Variants in RASGEF1C observed in about 807,000 individuals in gnomAD.
The protein encoded by RASGEF1C is ras-GEF domain-containing family member 1C.
In RASGEF1C, 27 loss-of-function variants were observed where a neutral mutation model predicts 58.1. That is an observed-to-expected ratio of 0.46 (90% confidence interval 0.34 to 0.64). The LOEUF (loss-of-function observed/expected upper bound fraction) is 0.64, where lower values mean the gene tolerates loss of function less well. Ranked by LOEUF, RASGEF1C falls within the 30% of genes least tolerant of loss-of-function variation. The pLI, the probability that RASGEF1C is intolerant of heterozygous loss-of-function variation, is 0.01. For missense variants in RASGEF1C, 502 were observed against 605.1 expected, an observed-to-expected ratio of 0.83 and a Z score of 1.79; for synonymous variants, 243 against 246.3, an observed-to-expected ratio of 0.99 and a Z score of 0.13.
chr5:180,171,025 G>A (rs1477563302), intron 1 of RASGEF1C, among the ~76,000 whole-genome samples: 2 of 152,196 alleles, frequency 1.3e-5, no homozygotes, highest in African/African-American at 4.8e-5. Context: ...AGATGGCCCA[G>A]GTCAGAAGAC....
chr5:180,157,439 T>G (rs994078417), intron 1 of RASGEF1C, among the ~76,000 whole-genome samples: 2 of 150,162 alleles, frequency 1.3e-5, no homozygotes, highest in Non-Finnish European at 3.0e-5. Context: ...TTGACCAACA[T>G]GGAGAAACCC....
intron 4 of RASGEF1C, among the ~76,000 whole-genome samples, chr5:180,130,848 T>C (rs1766354447): frequency 6.6e-6 from 1 of 152,148 alleles, no homozygotes; most frequent in Non-Finnish European, 1.5e-5. Context: ...CGGTCCGTCA[T>C]ATGGCCCATG....
intron 1 of RASGEF1C, among the ~76,000 whole-genome samples, chr5:180,191,153 G>A (rs1436338873): frequency 2.6e-5 from 4 of 152,192 alleles, no homozygotes; most frequent in Admixed American, 6.5e-5. Flanking sequence ...GATGCCGCAT[G>A]GATAGAAAGC....
intron 11 of RASGEF1C, among the ~76,000 whole-genome samples, chr5:180,113,513 TCGGGGATGGACGGAGGGAC>T (rs1472672934): frequency 1.4e-4 from 2 of 14,508 alleles, no homozygotes; most frequent in Admixed American, 8.3e-4. Context: ...GACGGAGGGA[TCGGGGATGGACGGAGGGAC>T]CGGGGATGGA....
intron 1 of RASGEF1C, among the ~76,000 whole-genome samples, chr5:180,179,527 T>C (rs1767287753): frequency 6.6e-6 from 1 of 152,080 alleles, no homozygotes; most frequent in Non-Finnish European, 1.5e-5. Flanking sequence ...ACCGACACCT[T>C]TGACCTCAGA....
intron 13 of RASGEF1C, among the ~76,000 whole-genome samples, 189 bp downstream of exon 13, chr5:180,101,882 A>G (rs1355639291): frequency 1.3e-5 from 2 of 152,124 alleles, no homozygotes; most frequent in African/African-American, 2.4e-5. Flanking sequence ...CCTCACCCCT[A>G]TGACTGTGGC....
At chr5:180,192,995 C>T (rs1756193500) in intron 1 of RASGEF1C, among the ~76,000 whole-genome samples, 1 of 151,932 alleles carries the variant, frequency 6.6e-6, no homozygotes, top group South Asian at 2.1e-4. Flanking sequence ...ATCCACCCAC[C>T]TTGGCCTCCC....
rs780362283 is a variant in RASGEF1C at position 180,121,087 on chromosome 5, G to GCA, written c.775_776dup (p.Tyr260AlafsTer20). On this transcript the variant is annotated frameshift_variant, in exon 7 of 14. Transcript: ENST00000361132. LOFTEE classifies it high-confidence loss of function. ...TGCAGATCTCAGTTGCCACCAGGTA[G>GCA]CACAGCCTGTTGAACCATTTCACAT... 2 of 1,613,976 alleles carry GCA rather than the reference G, an allele frequency of 1.2e-6. No individual in the cohort carries two copies. The highest frequency in any genetic ancestry group is 2.2e-5 in the South Asian group (2 of 91,084).
At chr5:180,203,874 T>C (rs1384624664) in intron 1 of RASGEF1C, among the ~76,000 whole-genome samples, 1 of 152,098 alleles carries the variant, frequency 6.6e-6, no homozygotes, top group East Asian at 1.9e-4. Context: ...ACGCCTGTAA[T>C]CCCAGCCACT....
chr5:180,162,994 T>C (rs1363842969), intron 1 of RASGEF1C, among the ~76,000 whole-genome samples: 2 of 152,174 alleles, frequency 1.3e-5, no homozygotes, highest in Non-Finnish European at 2.9e-5. Flanking sequence ...TGGGAGTAGC[T>C]ATAGCAAACA....
At chr5:180,144,044 G>A (rs1157333159) in intron 1 of RASGEF1C, among the ~76,000 whole-genome samples, 1 of 152,128 alleles carries the variant, frequency 6.6e-6, no homozygotes, top group Non-Finnish European at 1.5e-5. Flanking sequence ...TTCAGGTTAT[G>A]GAGACTGGTG....
chr5:180,198,195 C>G lies in RASGEF1C; in HGVS notation c.-7+10833G>C, dbSNP rs1364672370. Among the ~76,000 whole-genome samples, 1 of 152,224 alleles carries G rather than the reference C, an allele frequency of 6.6e-6. No homozygotes were observed. Among genetic ancestry groups the G allele is most frequent in the Non-Finnish European group, 1.5e-5 (1 of 68,034 alleles). On this transcript the variant is annotated intron_variant, in intron 1 of 13. Coordinates refer to ENST00000361132, the MANE Select transcript of RASGEF1C (RefSeq NM_175062.4). The surrounding 1 kb of genome is among the most constrained non-coding windows in gnomAD (Gnocchi z 4.5). ...GAAACAGGCAGGACAAAAGCGCACC[C>G]TTCTGCAGGCCCCAGCCCCAGACAG...
chr5:180,204,289 T>C (rs1581133991), intron 1 of RASGEF1C, among the ~76,000 whole-genome samples: 1 of 152,252 alleles, frequency 6.6e-6, no homozygotes, highest in African/African-American at 2.4e-5. Flanking sequence ...TTCATTTCTC[T>C]TAGATTCCTG....
Position 180,101,390 on chromosome 5 carries a change from A to G in RASGEF1C, c.*111T>C. On this transcript the variant is annotated 3_prime_UTR_variant, in exon 14 of 14. Transcript: ENST00000361132. ...GCGGGCAGCAGGCCACAGGGTCGGC[A>G]TTTGCAAAATAGTGAGGCACTCCCT... is the stretch of plus-strand genomic sequence containing the variant. 3 of 1,273,210 alleles carry G rather than the reference A, an allele frequency of 2.4e-6. No individual in the cohort carries two copies. Among genetic ancestry groups the G allele is most frequent in the Non-Finnish European group, 1.1e-6 (1 of 905,278 alleles). The allele number at this position is 1,273,210 out of a possible 1,614,324, so 78.9% of individuals were successfully genotyped here.
chr5:180,182,204 C>CA (rs1156831010), intron 1 of RASGEF1C, among the ~76,000 whole-genome samples: 2,761 of 22,710 alleles, frequency 0.12, 414 homozygotes, highest in African/African-American at 0.15. Flanking sequence ...GACTCCGTCT[C>CA]AAAAAAAAAA....
At chr5:180,173,773 CGTG>C (rs1767158284) in intron 1 of RASGEF1C, among the ~76,000 whole-genome samples, 1 of 151,922 alleles carries the variant, frequency 6.6e-6, no homozygotes, top group Admixed American at 6.6e-5. Flanking sequence ...ATTAGCTGGG[CGTG>C]GTGGTGGGCG....
In RASGEF1C at chr5:180,209,140, G is replaced by GA. The variant is rs1756556122; in HGVS notation, c.-120_-119insT. ...CGCCGCCGCCGCCGCCGCCGCCGCC[G>GA]CCGCCGCCGCCCGACCGCCCGGCTC... On this transcript the variant is annotated 5_prime_UTR_variant, in exon 1 of 14. Transcript: ENST00000361132. 8.1e-6 allele frequency: 1 copy of GA among 123,078 alleles called. No individual in the cohort carries two copies. Among genetic ancestry groups the GA allele is most frequent in the Non-Finnish European group, 1.7e-5 (1 of 57,206 alleles). 7.6% of individuals were successfully genotyped at this position (123,078 alleles called of 1,614,324 possible).
At chr5:180,175,913 G>A (rs944545986) in intron 1 of RASGEF1C, among the ~76,000 whole-genome samples, 3 of 152,222 alleles carry the variant, frequency 2.0e-5, no homozygotes, top group Admixed American at 1.3e-4. Flanking sequence ...GCGTGAACCC[G>A]GAAGGCAGAG....
At chr5:180,129,857 C>T (rs1284585076) in intron 4 of RASGEF1C, among the ~76,000 whole-genome samples, 1 of 147,590 alleles carries the variant, frequency 6.8e-6, no homozygotes, top group Non-Finnish European at 1.5e-5. Flanking sequence ...TTAACAAACC[C>T]AGCCAGTCTG....
Sources: gnomAD v4.1 joint callset for allele counts (sites outside exome capture counted in the v4.1 genomes callset) on GRCh38, gnomAD v4.1.1 for gene constraint, Gnocchi (gnomAD v3.1) non-coding constraint, MANE v1.5 for transcripts, NCBI Gene and HGNC (gene_info 2026-07-23, HGNC 2026-07-21) for gene names.